The following LRP2 variants were observed in gnomAD, a reference collection of about 807,000 sequenced individuals.
LRP2 encodes low-density lipoprotein receptor-related protein 2.
A neutral mutation model predicts 531.0 loss-of-function variants in LRP2; 172 were observed. The observed-to-expected ratio is 0.32, with a 90% CI of 0.29 to 0.37. The LOEUF (loss-of-function observed/expected upper bound fraction) is 0.37. Ranked by LOEUF, LRP2 falls within the 10% of genes least tolerant of loss-of-function variation. LRP2 has a pLI of 1.00. For synonymous variants in LRP2, 1,992 were observed against 2,027.6 expected (o/e 0.98, Z 0.47); for missense variants, 5,167 against 5,868.3 (o/e 0.88, Z 3.90).
intron 24 of LRP2, 108 bp from the exon 25 acceptor site, chr2:169,241,473 A>G: frequency 9.0e-7 from 1 of 1,117,228 alleles, no homozygotes; most frequent in Non-Finnish European, 1.4e-6. Context: ...GTTTATAGTA[A>G]CAACTATGAC....
chr2:169,330,637 C>T (rs975379735), intron 1 of LRP2, among the ~76,000 whole-genome samples: 12 of 152,188 alleles, frequency 7.9e-5, no homozygotes, highest in Non-Finnish European at 1.6e-4. Flanking sequence ...TCTTGCAGAA[C>T]TGTCCTGGTC....
intron 48 of LRP2, 115 bp from the exon 49 acceptor site, chr2:169,188,380 G>T: frequency 2.1e-6 from 2 of 972,326 alleles, no homozygotes; most frequent in Non-Finnish European, 3.2e-6. Flanking sequence ...CAACCATTTC[G>T]ACAAGATCAC....
Position 169,280,520 on chromosome 2 carries a change from C to CTAAATG in LRP2, c.1172-7_1172-2dup, listed in dbSNP as rs758339642. The CTAAATG allele has an allele frequency of 2.9e-5, 47 of 1,613,992 alleles. No homozygotes were observed. In the East Asian group the frequency reaches 1.0e-3, roughly 35 times the overall value. On this transcript the variant is annotated splice_acceptor_variant, in intron 10 of 78. Coordinates refer to ENST00000649046, the MANE Select transcript of LRP2 (RefSeq NM_004525.3). LOFTEE classifies it high-confidence loss of function. ...GAGAAGATAATGGAGGCCTCGCCAA[C>CTAAATG]TAAATGCGAAGAAGGAAGGCATCAC... is the stretch of plus-strand genomic sequence containing the variant.
intron 1 of LRP2, among the ~76,000 whole-genome samples, chr2:169,328,953 A>G (rs184398469): frequency 6.6e-6 from 1 of 152,332 alleles, no homozygotes; most frequent in Non-Finnish European, 1.5e-5. Flanking sequence ...CAATGGCCCC[A>G]TTTCATAGAT....
intron 1 of LRP2, among the ~76,000 whole-genome samples, chr2:169,355,113 G>A (rs1342770944): frequency 1.3e-5 from 2 of 152,156 alleles, no homozygotes; most frequent in Non-Finnish European, 2.9e-5. Flanking sequence ...ACAAAGCTCT[G>A]CTCCAAATAA....
At chr2:169,129,408 G>A (rs905299003) in intron 77 of LRP2, among the ~76,000 whole-genome samples, 2 of 152,200 alleles carry the variant, frequency 1.3e-5, no homozygotes, top group African/African-American at 2.4e-5. Flanking sequence ...AAACAGACAT[G>A]CACAAGATGC....
intron 1 of LRP2, among the ~76,000 whole-genome samples, chr2:169,328,448 AAAAAAAAAAAAAAAAAG>A (rs1685177929): frequency 7.1e-6 from 1 of 140,684 alleles, no homozygotes; most frequent in African/African-American, 2.8e-5. Context: ...GGATAAAAAA[AAAAAAAAAAAAAAAAAG>A]AAAAAAAAAG....
rs72878449 is a variant in LRP2 at position 169,283,119 on chromosome 2, A to G, written c.1043-118T>C. 44,111 of 986,504 alleles carry G rather than the reference A, an allele frequency of 0.045. 2,523 individuals carry two copies. Among genetic ancestry groups the G allele is most frequent in the African/African-American group, 0.24 (14,934 of 62,802 alleles). 61.1% of individuals were successfully genotyped at this position (986,504 alleles called of 1,614,324 possible). ...TGGTGTTGCCCATGTCTAAATAAAC[A>G]CCCTCTGGAATTAGGCACAGGTTCT... On this transcript the variant is annotated intron_variant, in intron 9 of 78. Coordinates refer to ENST00000649046, the MANE Select transcript of LRP2 (RefSeq NM_004525.3).
chr2:169,198,647 C>T, intron 45 of LRP2, 139 bp downstream of exon 45: 2 of 952,536 alleles, frequency 2.1e-6, no homozygotes, highest in Non-Finnish European at 3.2e-6. Flanking sequence ...ATGAAAGCAA[C>T]TGCCTACCAC....
intron 8 of LRP2, among the ~76,000 whole-genome samples, 191 bp downstream of exon 8, chr2:169,290,654 A>T (rs1683975752): frequency 6.6e-6 from 1 of 152,152 alleles, no homozygotes; most frequent in Admixed American, 6.5e-5. Context: ...GAGTGAGCTG[A>T]TACAGGCCAG....
rs1388970890 is a variant in LRP2 at position 169,128,498 on chromosome 2, A to G, written c.*165T>C. ...TGTGATAATTATTTGTAAAAATATG[A>G]GACGGCATAAGTAAAAAAAGACACA... On this transcript the variant is annotated 3_prime_UTR_variant, in exon 79 of 79. Coordinates refer to ENST00000649046, the MANE Select transcript of LRP2 (RefSeq NM_004525.3). 2 of 637,480 alleles carry G rather than the reference A, an allele frequency of 3.1e-6. No individual in the cohort carries two copies. Among genetic ancestry groups the G allele is most frequent in the African/African-American group, 3.7e-5 (2 of 54,436 alleles). 39.5% of individuals were successfully genotyped at this position (637,480 alleles called of 1,614,324 possible). A position where few individuals can be genotyped will look rare whatever the true frequency, so the allele number is the denominator to read the frequency against.
intron 1 of LRP2, among the ~76,000 whole-genome samples, chr2:169,360,996 C>A (rs551587922): frequency 5.9e-5 from 9 of 152,214 alleles, no homozygotes; most frequent in Admixed American, 2.0e-4. Flanking sequence ...TCCACATTCC[C>A]CACCCATCAA....
At chr2:169,279,319 GGA>G in intron 12 of LRP2, 51 bp downstream of exon 12, 1 of 1,321,456 alleles carries the variant, frequency 7.6e-7, no homozygotes, top group Admixed American at 1.7e-5. Flanking sequence ...GTGTATAGAG[GGA>G]GAGAGAAAAT....
Position 169,146,872 on chromosome 2 carries a change from C to T in LRP2, c.12678G>A (p.Glu4226=). ...AAAGGCCAGTTGGCCAACCAAGGTC[C>T]TCGAAAACCAGGATGTTGCGGTCCT... ...NGEDRNILVF[E]DLGWPTGLSI... Residue 4226 remains glutamate (E), a synonymous_variant, in exon 69 of 79, where the codon GAG becomes GAA. Coordinates refer to ENST00000649046, the MANE Select transcript of LRP2 (RefSeq NM_004525.3). 6.2e-7 allele frequency: 1 copy of T among 1,614,162 alleles called. No individual in the cohort carries two copies. The highest frequency in any genetic ancestry group is 8.5e-7 in the Non-Finnish European group (1 of 1,180,038).
rs1444442637 is a variant in LRP2 at position 169,145,796 on chromosome 2, A to G, written c.12939T>C (p.Pro4313=). The G allele has an allele frequency of 6.2e-7, 1 of 1,614,180 alleles. No individual in the cohort carries two copies. The highest frequency in any genetic ancestry group is 8.5e-7 in the Non-Finnish European group (1 of 1,180,004). Reference sequence around the variant, plus strand: ...GAAAGATTCGAACTTGAGTGAGCCAAGGGTTCACTACCAGCGTTTTCTCTT... The same window carrying G: ...GAAAGATTCGAACTTGAGTGAGCCAGGGGTTCACTACCAGCGTTTTCTCTT... ...GKKEKTLVVN[P]WLTQVRIFHQ... is the part of the protein sequence containing the mutation. The change falls in exon 70 of 79, where the codon CCT becomes CCC. Residue 4313 remains proline, a synonymous_variant. Coordinates refer to ENST00000649046, the MANE Select transcript of LRP2 (RefSeq NM_004525.3).
chr2:169,315,724 C>A (rs1369096597), intron 3 of LRP2, among the ~76,000 whole-genome samples: 1 of 151,240 alleles, frequency 6.6e-6, no homozygotes, highest in Non-Finnish European at 1.5e-5. Context: ...GTTAGATCAG[C>A]ATCAGTGTCA....
In LRP2 at chr2:169,181,503, T is replaced by C. The variant is rs780501752; in HGVS notation, c.10114A>G (p.Ile3372Val). 2 of 1,614,206 alleles carry C rather than the reference T, an allele frequency of 1.2e-6. No homozygotes were observed. The highest frequency in any genetic ancestry group is 1.7e-5 in the Admixed American group (1 of 60,032). The change falls in exon 52 of 79, where the codon ATT becomes GTT. Residue 3372 changes from isoleucine to valine, a missense_variant. By Grantham distance (29) the Ile-to-Val change is conservative. Transcript: ENST00000649046. ...TAGAGTAGATCATTGGTGTAATCAA[T>C]GGTGATGCCATTAGGCCACTCTAAC... ...TKLEWPNGITIDYTNDLLYWA... is the reference protein window; with the variant it reads ...TKLEWPNGITVDYTNDLLYWA...
intron 1 of LRP2, among the ~76,000 whole-genome samples, chr2:169,337,994 C>T (rs986697745): frequency 1.3e-5 from 2 of 152,086 alleles, no homozygotes; most frequent in Non-Finnish European, 2.9e-5. Context: ...GTAGTCCTAG[C>T]TATTCAGGAG....
At chr2:169,175,019 T>TA (rs201393942) in intron 55 of LRP2, among the ~76,000 whole-genome samples, 174 bp downstream of exon 55, 2,259 of 108,646 alleles carry the variant, frequency 0.021, 22 homozygotes, top group African/African-American at 0.04. Flanking sequence ...TTAAGATTTC[T>TA]AAAAAAAAAA....
Sources: gnomAD v4.1 joint callset for allele counts (sites outside exome capture counted in the v4.1 genomes callset) on GRCh38, gnomAD v4.1.1 for gene constraint, MANE v1.5 for transcripts, NCBI Gene and HGNC (gene_info 2026-07-23, HGNC 2026-07-21) for gene names.